MYO1F: variants seen among roughly 807,000 people sequenced by gnomAD.
MYO1F encodes the protein myosin IF.
A neutral mutation model predicts 146.6 loss-of-function variants in MYO1F; 60 were observed. That is an observed-to-expected ratio of 0.41 (90% confidence interval 0.33 to 0.51). The LOEUF (loss-of-function observed/expected upper bound fraction) is 0.51, where lower values mean the gene tolerates loss of function less well. MYO1F is among the 20% of genes least tolerant of loss of function. MYO1F has a pLI of 0.25. For synonymous variants in MYO1F, 602 were observed against 602.1 expected, an observed-to-expected ratio of 1.00 and a Z score of 0.00; for missense variants, 1,274 against 1,534.3, an observed-to-expected ratio of 0.83 and a Z score of 2.83.
chr19:8,549,867 CAT>C, intron 10 of MYO1F: 1 of 515,160 alleles, frequency 1.9e-6, no homozygotes, highest in South Asian at 2.1e-5. Context: ...ATAGCGCAAT[CAT>C]AGCTCACTGC....
chr19:8,527,323 A>G lies in MYO1F; in HGVS notation c.2474+15T>C, dbSNP rs2967774. The G allele has an allele frequency of 0.19, 305,947 of 1,613,298 alleles. 40,557 individuals carry two copies. Among genetic ancestry groups the G allele is most frequent in the African/African-American group, 0.67 (49,815 of 74,866 alleles). On this transcript the variant is annotated intron_variant, in intron 22 of 27. Transcript: ENST00000644032. ...GGTGAGAGTGACTGTGCGGCAGGTA[A>G]GGACCTGGCTTCACCTGAGGGAGAC...
At chr19:8,556,496 A>AAGAAAGAAAG (rs140843881) in intron 1 of MYO1F, among the ~76,000 whole-genome samples, 1,861 of 141,690 alleles carry the variant, frequency 0.013, 51 homozygotes, top group African/African-American at 0.051. Context: ...GAAAGAAAGA[A>AAGAAAGAAAG]AGAAAGAAAG....
chr19:8,552,213 TGGG>T (rs1257710578), intron 6 of MYO1F, 49 bp from the exon 7 acceptor site: 1 of 1,609,656 alleles, frequency 6.2e-7, no homozygotes, highest in Non-Finnish European at 8.5e-7. Flanking sequence ...GGGGTGCAGG[TGGG>T]GGAAGGGTTG....
chr19:8,553,412 C>T lies in MYO1F; in HGVS notation c.352G>A (p.Val118Met), dbSNP rs1599998378. The change falls in exon 5 of 28, where the codon GTG (valine) becomes ATG (methionine). Residue 118 changes from valine (V) to methionine (M), a missense_variant. This residue lies in a region of MYO1F where 900 missense variants were observed against 1,155.1 expected (regional missense o/e 0.78). Coordinates refer to ENST00000644032, the MANE Select transcript of MYO1F (RefSeq NM_012335.4). Reference sequence around the variant, plus strand: ...TAGCCCATGATATATTTGGCTGCCACTGTCTTCCCAGCTCCACTCTCTCCA... The same window carrying T: ...TAGCCCATGATATATTTGGCTGCCATTGTCTTCCCAGCTCCACTCTCTCCA... ...ISGESGAGKT[V>M]AAKYIMGYIS... 6.2e-7 allele frequency: 1 copy of T among 1,614,152 alleles called. No homozygotes were observed.
Position 8,562,120 on chromosome 19 carries a change from C to G in MYO1F, c.4-6324G>C, listed in dbSNP as rs144215111. Reference sequence around the variant, plus strand: ...CACAATCTCGGCTCACTGCAAGCCTCGCCTCCAGGGTTCACGCCGTTCTCC... The same window carrying G: ...CACAATCTCGGCTCACTGCAAGCCTGGCCTCCAGGGTTCACGCCGTTCTCC... On this transcript the variant is annotated intron_variant, in intron 1 of 27. Coordinates refer to ENST00000644032, the MANE Select transcript of MYO1F (RefSeq NM_012335.4). Among the ~76,000 whole-genome samples, 518 of 151,272 alleles carry G rather than the reference C, an allele frequency of 3.4e-3. 2 individuals carry two copies. Among genetic ancestry groups the G allele is most frequent in the Admixed American group, 5.8e-3 (88 of 15,118 alleles).
At chr19:8,526,683 G>T in intron 23 of MYO1F, 82 bp from the exon 24 acceptor site, 1 of 1,538,070 alleles carries the variant, frequency 6.5e-7, no homozygotes, top group Non-Finnish European at 8.8e-7. Flanking sequence ...GCAGGGGCGG[G>T]GCCGCGGCCG....
intron 1 of MYO1F, among the ~76,000 whole-genome samples, chr19:8,566,420 G>T (rs2042006091): frequency 6.6e-6 from 1 of 151,676 alleles, no homozygotes; most frequent in Non-Finnish European, 1.5e-5. Context: ...ACCCGCCTCG[G>T]CCTCCCAAAG....
chr19:8,520,895 G>T lies in MYO1F; in HGVS notation c.*633C>A. 6.4e-6 allele frequency: 1 copy of T among 156,254 alleles called. No individual in the cohort carries two copies. Among genetic ancestry groups the T allele is most frequent in the Non-Finnish European group, 1.4e-5 (1 of 70,352 alleles). The allele number at this position is 156,254 out of a possible 1,614,324, so 9.7% of individuals were successfully genotyped here. Reference sequence around the variant, plus strand: ...CCGCCTCAGCCTCCCAAAGTGCTGGGATTACAGGCGTGAGCCACTGCGCCC... The same window carrying T: ...CCGCCTCAGCCTCCCAAAGTGCTGGTATTACAGGCGTGAGCCACTGCGCCC... On this transcript the variant is annotated 3_prime_UTR_variant, in exon 28 of 28. Transcript: ENST00000644032.
intron 1 of MYO1F, among the ~76,000 whole-genome samples, chr19:8,559,639 G>T (rs1045593681): frequency 2.6e-5 from 4 of 151,988 alleles, no homozygotes. Flanking sequence ...GATAGACCGA[G>T]GCTGAGGGGC....
chr19:8,536,070 T>C (rs1265497035), intron 19 of MYO1F, among the ~76,000 whole-genome samples, 182 bp downstream of exon 19: 2 of 152,116 alleles, frequency 1.3e-5, no homozygotes, highest in African/African-American at 4.8e-5. Context: ...AATTTCTCTC[T>C]CAACCTCTAT....
chr19:8,550,400 G>T, intron 9 of MYO1F, 44 bp from the exon 10 acceptor site: 1 of 1,591,320 alleles, frequency 6.3e-7, no homozygotes, highest in Non-Finnish European at 8.6e-7. Context: ...AGTTGGTTGG[G>T]CTCTTGTGCC....
chr19:8,531,408 G>A (rs912370413), intron 19 of MYO1F, among the ~76,000 whole-genome samples: 1 of 152,174 alleles, frequency 6.6e-6, no homozygotes, highest in Non-Finnish European at 1.5e-5. Context: ...GAGTGTGGTG[G>A]TGCAGTCATA....
Position 8,554,456 on chromosome 19 carries a change from GC to G in MYO1F, c.326+20del. The G allele has an allele frequency of 6.3e-7, 1 of 1,583,628 alleles. No homozygotes were observed. The highest frequency in any genetic ancestry group is 1.1e-5 in the South Asian group (1 of 90,374). On this transcript the variant is annotated intron_variant, in intron 4 of 27. Coordinates refer to ENST00000644032, the MANE Select transcript of MYO1F (RefSeq NM_012335.4). Reference sequence around the variant, plus strand: ...AGGGGCCCGGGCAGCAGGGTCTGTGGCCCCCCAACTCTGTCCATACCTAATG... The same window carrying G: ...AGGGGCCCGGGCAGCAGGGTCTGTGGCCCCCAACTCTGTCCATACCTAATG...
At chr19:8,573,556 C>T (rs1555732502) in intron 1 of MYO1F, among the ~76,000 whole-genome samples, 1 of 151,960 alleles carries the variant, frequency 6.6e-6, no homozygotes, top group Non-Finnish European at 1.5e-5. Context: ...TAACCAACCA[C>T]CATCTAGTCA....
intron 9 of MYO1F, 90 bp from the exon 10 acceptor site, chr19:8,550,446 A>G: frequency 6.3e-7 from 1 of 1,594,430 alleles, no homozygotes; most frequent in East Asian, 2.3e-5. Context: ...CATCTTGCCC[A>G]GTGACACCCA....
chr19:8,553,116 C>T, intron 6 of MYO1F, 23 bp downstream of exon 6: 3 of 1,610,154 alleles, frequency 1.9e-6, no homozygotes, highest in Non-Finnish European at 2.5e-6. Flanking sequence ...GCAGCTGCTC[C>T]AAGCAGGTCT....
In MYO1F at chr19:8,544,468, C is replaced by G. The variant is rs746128755; in HGVS notation, c.1357-4G>C. ...CGCTCATGATGCCTGGGGGGCTCTG[C>G]GGGGCGAGCGGGAGCCAGCAGCGGC... On this transcript the variant is annotated splice_region_variant and splice_polypyrimidine_tract_variant and intron_variant, in intron 13 of 27. Coordinates refer to ENST00000644032, the MANE Select transcript of MYO1F (RefSeq NM_012335.4). The G allele has an allele frequency of 5.7e-6, 9 of 1,590,704 alleles. No homozygotes were observed. The Admixed American group carries it at 1.4e-4, about 24-fold the overall frequency.
In MYO1F at chr19:8,537,008, G is replaced by A; in HGVS notation, c.1740C>T (p.His580=). Residue 580 remains histidine, a synonymous_variant, in exon 17 of 28, where the codon CAC becomes CAT. Transcript: ENST00000644032. ...LVATLMRCTP[H]YIRCIKPNET... ...CGTTGGGTTTGATGCAGCGGATGTA[G>A]TGGGGTGTGCACCTCATCAGTGTGG... The A allele has an allele frequency of 6.2e-7, 1 of 1,613,624 alleles. No homozygotes were observed. The highest frequency in any genetic ancestry group is 8.5e-7 in the Non-Finnish European group (1 of 1,179,854).
rs891199860 is a variant in MYO1F, at chr19:8,536,833, G to A, written c.1799+116C>T. The A allele has an allele frequency of 2.0e-4, 149 of 731,506 alleles. 2 individuals carry two copies. In the Admixed American group the frequency reaches 3.2e-3, roughly 15 times the overall value. The allele number at this position is 731,506 out of a possible 1,614,324, so 45.3% of individuals were successfully genotyped here. ...TTCTGCAGGTGGGGGATTGTGGGAG[G>A]GGCTGTGCTAGTCCCTGGGTCATCC... On this transcript the variant is annotated intron_variant, in intron 17 of 27. Transcript: ENST00000644032.
Sources: gnomAD v4.1 joint callset for allele counts (sites outside exome capture counted in the v4.1 genomes callset) on GRCh38, gnomAD v4.1.1 for gene constraint, gnomAD v4.1.1 regional missense constraint, MANE v1.5 for transcripts, NCBI Gene and HGNC (gene_info 2026-07-23, HGNC 2026-07-21) for gene names.